SCAPER: variants seen among roughly 807,000 people sequenced by gnomAD.
SCAPER encodes the protein S-phase cyclin A associated protein in the ER.
SCAPER carries 98 observed loss-of-function variants against 182.2 expected under a neutral mutation model. The observed-to-expected ratio is 0.54, with a 90% CI of 0.46 to 0.64. The LOEUF (loss-of-function observed/expected upper bound fraction) is 0.64. Among genes scored for constraint, SCAPER ranks in the 30% least tolerant of loss-of-function variants. The pLI, the probability that SCAPER is intolerant of heterozygous loss-of-function variation, is 0.00. For missense variants in SCAPER, 1,432 were observed against 1,690.0 expected (o/e 0.85, Z 2.68); for synonymous variants, 605 against 564.6 (o/e 1.07, Z -1.01).
chr15:76,439,656 G>A (rs188845787), intron 25 of SCAPER, among the ~76,000 whole-genome samples: 30 of 152,334 alleles, frequency 2.0e-4, no homozygotes, highest in Admixed American at 7.8e-4. Flanking sequence ...ATGTGTGCAA[G>A]CAACCTCCTC....
intron 30 of SCAPER, 130 bp from the exon 31 acceptor site, chr15:76,351,418 G>A (rs974424569): frequency 1.5e-5 from 10 of 674,256 alleles, no homozygotes; most frequent in African/African-American, 1.3e-4. Flanking sequence ...AAATATAAAC[G>A]CTGAAGAAAC....
intron 25 of SCAPER, among the ~76,000 whole-genome samples, chr15:76,461,332 T>TC (rs1335821432): frequency 2.7e-5 from 2 of 73,316 alleles, no homozygotes; most frequent in African/African-American, 7.3e-5. Context: ...TTACCCAACT[T>TC]TTTTTTTTTT....
chr15:76,487,342 C>T (rs994671249), intron 24 of SCAPER, among the ~76,000 whole-genome samples: 2 of 42,402 alleles, frequency 4.7e-5, no homozygotes, highest in Non-Finnish European at 8.7e-5. Context: ...GTTTAAAAAA[C>T]AATCAGTGGC....
Position 76,449,696 on chromosome 15 carries a change from C to T in SCAPER, c.3079-15386G>A, listed in dbSNP as rs899648682. 3.3e-4 allele frequency among the ~76,000 whole-genome samples: 50 copies of T among 152,310 alleles called. 1 individual carries two copies. Among genetic ancestry groups the T allele is most frequent in the African/African-American group, 1.1e-3 (47 of 41,568 alleles). Reference sequence around the variant, plus strand: ...AGGGCATGTATAAAGTTTTCCTCCACGCCTCTTGCACCAGCACTTACCAAC... The same window carrying T: ...AGGGCATGTATAAAGTTTTCCTCCATGCCTCTTGCACCAGCACTTACCAAC... On this transcript the variant is annotated intron_variant, in intron 25 of 31. Transcript: ENST00000563290.
chr15:76,879,284 T>C (rs2073382232), intron 2 of SCAPER, among the ~76,000 whole-genome samples: 1 of 152,204 alleles, frequency 6.6e-6, no homozygotes, highest in Non-Finnish European at 1.5e-5. Flanking sequence ...TACATCCTCC[T>C]TTCCTAATAG....
At chr15:76,586,520 T>C (rs1342905735) in intron 22 of SCAPER, 2 of 152,648 alleles carry the variant, frequency 1.3e-5, no homozygotes, top group Non-Finnish European at 2.9e-5. Context: ...GCTACTGAGT[T>C]GGGCATTCTT....
At chr15:76,608,865 C>T (rs1033237474) in intron 22 of SCAPER, among the ~76,000 whole-genome samples, 10 of 152,132 alleles carry the variant, frequency 6.6e-5, no homozygotes, top group South Asian at 2.1e-4. Flanking sequence ...TTTTTAAGCC[C>T]GTTGGAAAAG....
chr15:76,890,035 A>G (rs1432514239), intron 1 of SCAPER, among the ~76,000 whole-genome samples: 1 of 152,238 alleles, frequency 6.6e-6, no homozygotes, highest in Admixed American at 6.5e-5. Context: ...GCACAACTAC[A>G]TGGAAACTGA....
intron 4 of SCAPER, among the ~76,000 whole-genome samples, chr15:76,846,177 T>C (rs1005771659): frequency 3.9e-5 from 6 of 152,236 alleles, no homozygotes; most frequent in Admixed American, 1.3e-4. Flanking sequence ...TCTCTCACCA[T>C]ATACAAACCT....
chr15:76,371,786 C>T (rs942066386), intron 29 of SCAPER, among the ~76,000 whole-genome samples: 6 of 151,744 alleles, frequency 4.0e-5, no homozygotes, highest in African/African-American at 9.7e-5. Context: ...GGCGTGGTGG[C>T]GCATGCCTGT....
intron 25 of SCAPER, among the ~76,000 whole-genome samples, chr15:76,452,756 T>G (rs947272074): frequency 2.0e-5 from 3 of 152,216 alleles, no homozygotes; most frequent in Non-Finnish European, 4.4e-5. Context: ...TCCAAAACTT[T>G]TATTTTTGTA....
chr15:76,697,354 AT>A (rs1488920407), intron 20 of SCAPER, among the ~76,000 whole-genome samples: 1 of 152,208 alleles, frequency 6.6e-6, no homozygotes, highest in African/African-American at 2.4e-5. Flanking sequence ...CTTTAAGAAA[AT>A]TTAATTCCTT....
At chr15:76,617,453 ACTAT>A in intron 22 of SCAPER, among the ~76,000 whole-genome samples, 1 of 152,336 alleles carries the variant, frequency 6.6e-6, no homozygotes, top group Non-Finnish European at 1.5e-5. Context: ...TCTTCAAACA[ACTAT>A]CTATTTGCTC....
At chr15:76,873,336 AGGCAGGCAGGC>A (rs1568382527) in intron 2 of SCAPER, among the ~76,000 whole-genome samples, 2,505 of 59,680 alleles carry the variant, frequency 0.042, 33 homozygotes, top group East Asian at 0.08. Context: ...GAAGGAAGGC[AGGCAGGCAGGC>A]AGGCAGGCAG....
At chr15:76,439,140 C>T (rs1324604102) in intron 25 of SCAPER, among the ~76,000 whole-genome samples, 1 of 151,746 alleles carries the variant, frequency 6.6e-6, no homozygotes, top group Non-Finnish European at 1.5e-5. Flanking sequence ...GGCTAGTGTG[C>T]AGTGGTGCAA....
At chr15:76,644,965 G>A (rs912158196) in intron 21 of SCAPER, among the ~76,000 whole-genome samples, 5 of 151,720 alleles carry the variant, frequency 3.3e-5, no homozygotes, top group South Asian at 2.1e-4. Flanking sequence ...CATAGGTTCC[G>A]TATCCACACA....
intron 26 of SCAPER, among the ~76,000 whole-genome samples, chr15:76,432,419 A>G (rs1042782893): frequency 6.6e-6 from 1 of 152,256 alleles, no homozygotes; most frequent in Admixed American, 6.5e-5. Flanking sequence ...GAATGAAACA[A>G]CTGTTCCCAA....
Position 76,354,215 on chromosome 15 carries a change from C to A in SCAPER, c.3856-75G>T, listed in dbSNP as rs1596270087. The A allele has an allele frequency of 4.4e-6, 6 of 1,369,832 alleles. No homozygotes were observed. In the South Asian group the frequency reaches 7.2e-5, roughly 17 times the overall value. The allele number at this position is 1,369,832 out of a possible 1,614,324, so 84.9% of individuals were successfully genotyped here. On this transcript the variant is annotated intron_variant, in intron 29 of 31. Transcript: ENST00000563290. This position sits in a 1 kb window ranked among gnomAD's most constrained non-coding sequence, Gnocchi z 4.4. ...CCCTCACCCACCTGCACAGTGTCGG[C>A]TAGTACCATGGAAAACATGCTGAAG...
At chr15:76,618,568 T>C (rs1013157417) in intron 22 of SCAPER, among the ~76,000 whole-genome samples, 3 of 152,078 alleles carry the variant, frequency 2.0e-5, no homozygotes, top group African/African-American at 7.3e-5. Flanking sequence ...TAAAAGTCTT[T>C]TATATCTCTT....
Sources: gnomAD v4.1 joint callset for allele counts (sites outside exome capture counted in the v4.1 genomes callset) on GRCh38, gnomAD v4.1.1 for gene constraint, Gnocchi (gnomAD v3.1) non-coding constraint, MANE v1.5 for transcripts, NCBI Gene and HGNC (gene_info 2026-07-23, HGNC 2026-07-21) for gene names.